Variants in COL4A1 observed in about 807,000 individuals in gnomAD.
COL4A1 encodes collagen alpha-1(IV) chain.
Under a neutral mutation model 216.6 loss-of-function variants are expected in COL4A1, and 40 were observed. That is an observed-to-expected ratio of 0.18 (90% CI 0.14 to 0.24). The LOEUF is 0.24. Among genes scored for constraint, COL4A1 ranks in the 10% least tolerant of loss-of-function variants. COL4A1 has a pLI of 1.00. For missense variants in COL4A1, 1,628 were observed against 2,196.8 expected (o/e 0.74, Z 5.18); for synonymous variants, 839 against 810.7 (o/e 1.03, Z -0.59).
At position 110,192,878 on chromosome 13, in the gene COL4A1, C is replaced by T. The variant is rs763943165; in HGVS notation, c.1417G>A (p.Asp473Asn). Reference protein sequence around the residue: ...KGESCLICDIDGYRGPPGPQG... With the variant: ...KGESCLICDINGYRGPPGPQG... ...GGCCCGGGAGGCCCCCGATATCCGT[C>T]TATATCACAGATGAGGCAACTCTCT... Residue 473 changes from aspartate (D) to asparagine (N), a missense_variant, in exon 23 of 52, where the codon GAC becomes AAC. By Grantham distance (23) the Asp-to-Asn change is conservative. Transcript: ENST00000375820. 5.6e-6 allele frequency: 9 copies of T among 1,614,024 alleles called. No homozygotes were observed. In the East Asian group the frequency reaches 1.8e-4, roughly 32 times the overall value.
intron 1 of COL4A1, among the ~76,000 whole-genome samples, chr13:110,302,639 C>T (rs1441215326): frequency 6.6e-6 from 1 of 152,186 alleles, no homozygotes. Context: ...TCACTGTGTA[C>T]CAGACTATCA....
At chr13:110,236,914 G>A (rs920552182) in intron 2 of COL4A1, among the ~76,000 whole-genome samples, 3 of 152,206 alleles carry the variant, frequency 2.0e-5, no homozygotes, top group African/African-American at 7.2e-5. Flanking sequence ...GGACAATGGG[G>A]CAGGAGTGGC....
At chr13:110,205,302 G>A (rs1258548006) in intron 17 of COL4A1, 51 bp downstream of exon 17, 2 of 1,604,236 alleles carry the variant, frequency 1.2e-6, no homozygotes, top group African/African-American at 1.3e-5. Context: ...ACAGACTTCT[G>A]GGTTGAATTG....
chr13:110,213,651 C>G (rs1001446315), intron 4 of COL4A1, 131 bp downstream of exon 4: 3 of 903,194 alleles, frequency 3.3e-6, no homozygotes, highest in Admixed American at 3.8e-5. Flanking sequence ...CGCCTGCCTG[C>G]CCGTGCTGTG....
intron 1 of COL4A1, among the ~76,000 whole-genome samples, chr13:110,296,940 G>A (rs1884299726): frequency 6.6e-6 from 1 of 152,222 alleles, no homozygotes; most frequent in Non-Finnish European, 1.5e-5. Flanking sequence ...GAGGCACAGA[G>A]CAAGGTGTAG....
intron 26 of COL4A1, among the ~76,000 whole-genome samples, chr13:110,185,953 G>A (rs536008840): frequency 6.6e-6 from 1 of 152,338 alleles, no homozygotes; most frequent in South Asian, 2.1e-4. Context: ...TCATCGCGCT[G>A]TAGGACCTCT....
chr13:110,229,850 C>G (rs529823723), intron 2 of COL4A1, among the ~76,000 whole-genome samples: 1 of 152,280 alleles, frequency 6.6e-6, no homozygotes, highest in Non-Finnish European at 1.5e-5. Flanking sequence ...AAGAAAAAGC[C>G]CTATGCCTCT....
intron 29 of COL4A1, 152 bp downstream of exon 29, chr13:110,181,140 G>T (rs996079500): frequency 4.4e-6 from 3 of 680,326 alleles, no homozygotes; most frequent in East Asian, 5.5e-5. Context: ...CATGTGCTAC[G>T]TTCTCTGATA....
At chr13:110,157,406 G>C (rs944052680) in intron 49 of COL4A1, among the ~76,000 whole-genome samples, 3 of 152,196 alleles carry the variant, frequency 2.0e-5, no homozygotes, top group Non-Finnish European at 2.9e-5. Flanking sequence ...CTAAAATTTA[G>C]CTTTCGGACC....
At chr13:110,301,977 T>G (rs563185183) in intron 1 of COL4A1, among the ~76,000 whole-genome samples, 155 of 152,190 alleles carry the variant, frequency 1.0e-3, no homozygotes, top group African/African-American at 3.5e-3. Context: ...AATTAGCCTC[T>G]CACAGCCTGA....
chr13:110,231,822 A>G (rs1881079215), intron 2 of COL4A1, among the ~76,000 whole-genome samples: 2 of 152,226 alleles, frequency 1.3e-5, no homozygotes, highest in Non-Finnish European at 2.9e-5. Flanking sequence ...CACATGCCAC[A>G]GACTTGGGTA....
At chr13:110,294,769 A>G (rs1884205140) in intron 1 of COL4A1, among the ~76,000 whole-genome samples, 1 of 152,264 alleles carries the variant, frequency 6.6e-6, no homozygotes, top group South Asian at 2.1e-4. Flanking sequence ...TCAGCATGAT[A>G]AAAGGCAGAA....
chr13:110,206,589 G>T, intron 15 of COL4A1, 76 bp downstream of exon 15: 1 of 1,505,146 alleles, frequency 6.6e-7, no homozygotes, highest in Non-Finnish European at 9.3e-7. Context: ...TTCTGTTCTT[G>T]TGTTTCTGTG....
chr13:110,186,321 C>T (rs1284852227), intron 26 of COL4A1, 64 bp downstream of exon 26: 7 of 1,603,148 alleles, frequency 4.4e-6, no homozygotes, highest in East Asian at 2.2e-5. Flanking sequence ...TGTGTGCACC[C>T]GAGGTGCCTG....
At chr13:110,209,493 G>A in intron 10 of COL4A1, 66 bp from the exon 11 acceptor site, 1 of 1,120,620 alleles carries the variant, frequency 8.9e-7, no homozygotes, top group Non-Finnish European at 1.3e-6. Context: ...CCCTTCTTCA[G>A]GCTGACGTTA....
At chr13:110,291,176 A>T (rs1192308962) in intron 1 of COL4A1, among the ~76,000 whole-genome samples, 1 of 152,208 alleles carries the variant, frequency 6.6e-6, no homozygotes, top group East Asian at 1.9e-4. Flanking sequence ...GTCTAGAAAA[A>T]GTACACCGAT....
At chr13:110,229,227 C>G (rs117244330) in intron 2 of COL4A1, among the ~76,000 whole-genome samples, 6,922 of 152,230 alleles carry the variant, frequency 0.045, 253 homozygotes, top group Admixed American at 0.083. Context: ...TACTGCATAC[C>G]AAAGTTCTTT....
chr13:110,195,093 T>C lies in COL4A1; in HGVS notation c.1311A>G (p.Gly437=), dbSNP rs1465841572. 6.2e-7 allele frequency: 1 copy of C among 1,614,082 alleles called. No homozygotes were observed. Among genetic ancestry groups the C allele is most frequent in the Non-Finnish European group, 8.5e-7 (1 of 1,180,014 alleles). Reference sequence around the variant, plus strand: ...CAGGAGGACCCTGGTCACCTGGAGGTCCGGGCTGACATTCCACAATTCCAT... The same window carrying C: ...CAGGAGGACCCTGGTCACCTGGAGGCCCGGGCTGACATTCCACAATTCCAT... ...YTNGIVECQP[G]PPGDQGPPGI... Residue 437 remains glycine (G), a synonymous_variant, in exon 22 of 52, where the codon GGA becomes GGG. Transcript: ENST00000375820.
chr13:110,235,240 T>C (rs2139236742), intron 2 of COL4A1, among the ~76,000 whole-genome samples: 1 of 152,342 alleles, frequency 6.6e-6, no homozygotes, highest in Non-Finnish European at 1.5e-5. Flanking sequence ...ATATTTGCTT[T>C]CATGTGCTTG....
Sources: gnomAD v4.1 joint callset for allele counts (sites outside exome capture counted in the v4.1 genomes callset) on GRCh38, gnomAD v4.1.1 for gene constraint, MANE v1.5 for transcripts, NCBI Gene and HGNC (gene_info 2026-07-23, HGNC 2026-07-21) for gene names.